The following NIPAL2 variants were observed in gnomAD, a reference collection of about 807,000 sequenced individuals.
The protein encoded by NIPAL2 is NIPA-like protein 2.
Under a neutral mutation model 48.9 loss-of-function variants are expected in NIPAL2, and 43 were observed. That is an observed-to-expected ratio of 0.88 (90% CI 0.69 to 1.13). NIPAL2 has a LOEUF of 1.13. Among genes scored for constraint, NIPAL2 ranks in the 50% most tolerant of loss-of-function variants. The probability of loss-of-function intolerance (pLI) is 0.00; values close to 1 mark genes in which losing one functional copy is unlikely to be tolerated. For synonymous variants in NIPAL2, 167 were observed against 174.6 expected (o/e 0.96, Z 0.34); for missense variants, 446 against 461.4 (o/e 0.97, Z 0.31).
chr8:98,255,679 A>G (rs1052645195), intron 1 of NIPAL2, among the ~76,000 whole-genome samples: 1 of 152,216 alleles, frequency 6.6e-6, no homozygotes, highest in Admixed American at 6.5e-5. Context: ...TTTGATCACT[A>G]TCCCTCATGG....
intron 1 of NIPAL2, among the ~76,000 whole-genome samples, chr8:98,282,157 G>A (rs1017690034): frequency 2.0e-5 from 3 of 152,196 alleles, no homozygotes; most frequent in Non-Finnish European, 4.4e-5. Flanking sequence ...TCACCAGGGT[G>A]AGTGCATTCC....
chr8:98,192,918 T>C lies in NIPAL2; in HGVS notation c.*60A>G. ...AAGAGCTGCTGACACAAATTGAACATGTGCAATTTTTTAAAAAGGTGGTAT... is the reference window on the plus strand; with the variant it reads ...AAGAGCTGCTGACACAAATTGAACACGTGCAATTTTTTAAAAAGGTGGTAT... On this transcript the variant is annotated 3_prime_UTR_variant, in exon 11 of 11. Coordinates refer to ENST00000430223, the MANE Select transcript of NIPAL2 (RefSeq NM_001321635.2). 2 of 1,002,056 alleles carry C rather than the reference T, an allele frequency of 2.0e-6. No individual in the cohort carries two copies. Among genetic ancestry groups the C allele is most frequent in the Admixed American group, 1.7e-5 (1 of 57,858 alleles). The allele number at this position is 1,002,056 out of a possible 1,614,324, so 62.1% of individuals were successfully genotyped here. A position where few individuals can be genotyped will look rare whatever the true frequency, so the allele number is the denominator to read the frequency against.
At chr8:98,277,981 T>C (rs1280647837) in intron 1 of NIPAL2, among the ~76,000 whole-genome samples, 1 of 152,244 alleles carries the variant, frequency 6.6e-6, no homozygotes, top group African/African-American at 2.4e-5. Context: ...CTTTAGTAGC[T>C]CTTTCAATAA....
At chr8:98,285,035 G>A (rs947763116) in intron 1 of NIPAL2, among the ~76,000 whole-genome samples, 1 of 152,168 alleles carries the variant, frequency 6.6e-6, no homozygotes, top group Non-Finnish European at 1.5e-5. Flanking sequence ...TCACTGCTTA[G>A]GGATGATGCT....
In NIPAL2 at chr8:98,212,708, T is replaced by C. The variant is rs191353321; in HGVS notation, c.559-207A>G. Among the ~76,000 whole-genome samples the C allele has an allele frequency of 2.3e-3, 346 of 152,248 alleles. 3 individuals carry two copies. The highest frequency in any genetic ancestry group is 7.7e-3 in the African/African-American group (321 of 41,524). On this transcript the variant is annotated intron_variant, in intron 5 of 10. Coordinates refer to ENST00000430223, the MANE Select transcript of NIPAL2 (RefSeq NM_001321635.2). ...CCTCTCTGCCAGGGATGCCCAAATC[T>C]AGATCTCCAGTCCTAACCTCCCTGG...
At chr8:98,251,294 G>A (rs1813572153) in intron 3 of NIPAL2, among the ~76,000 whole-genome samples, 1 of 152,018 alleles carries the variant, frequency 6.6e-6, no homozygotes, top group Admixed American at 6.5e-5. Context: ...GGGATCCCAA[G>A]TTCATCATAT....
chr8:98,260,981 G>A (rs1377303131), intron 1 of NIPAL2, among the ~76,000 whole-genome samples: 44 of 152,274 alleles, frequency 2.9e-4, no homozygotes, highest in African/African-American at 1.1e-3. Flanking sequence ...CCTGACCCCT[G>A]AGCAGCCTAA....
intron 6 of NIPAL2, among the ~76,000 whole-genome samples, chr8:98,210,197 A>AT (rs1272472537): frequency 1.3e-5 from 2 of 151,654 alleles, no homozygotes; most frequent in Non-Finnish European, 2.9e-5. Flanking sequence ...TTATTTCAGT[A>AT]TTTTTTCTAA....
At chr8:98,280,441 G>A (rs1416035443) in intron 1 of NIPAL2, among the ~76,000 whole-genome samples, 2 of 152,058 alleles carry the variant, frequency 1.3e-5, no homozygotes, top group Middle Eastern at 3.2e-3. Context: ...ATCAGCAATA[G>A]TACAGATTGA....
At chr8:98,292,724 C>CT (rs1213076521) in intron 1 of NIPAL2, among the ~76,000 whole-genome samples, 1 of 132,638 alleles carries the variant, frequency 7.5e-6, no homozygotes, top group East Asian at 2.1e-4. Context: ...TGCTAACCCT[C>CT]TATTTTTTTT....
Position 98,190,928 on chromosome 8 carries a change from C to T in NIPAL2, c.*2050G>A, listed in dbSNP as rs1354501885. 1.3e-5 allele frequency: 2 copies of T among 152,196 alleles called. No homozygotes were observed. The highest frequency in any genetic ancestry group is 2.9e-5 in the Non-Finnish European group (2 of 68,028). The allele number at this position is 152,196 out of a possible 1,614,324, so 9.4% of individuals were successfully genotyped here. On this transcript the variant is annotated 3_prime_UTR_variant, in exon 11 of 11. Coordinates refer to ENST00000430223, the MANE Select transcript of NIPAL2 (RefSeq NM_001321635.2). Reference sequence around the variant, plus strand: ...GCACTGTGTAATTTAAAAAATCTTACAGGCCAGTACAACTAAAACTCCTAT... The same window carrying T: ...GCACTGTGTAATTTAAAAAATCTTATAGGCCAGTACAACTAAAACTCCTAT...
chr8:98,227,937 G>C (rs2130770789), intron 4 of NIPAL2, among the ~76,000 whole-genome samples: 1 of 152,318 alleles, frequency 6.6e-6, no homozygotes, highest in African/African-American at 2.4e-5. Flanking sequence ...CACACCTCTG[G>C]GGTGGTTGAT....
intron 1 of NIPAL2, among the ~76,000 whole-genome samples, chr8:98,269,041 T>C (rs1814965399): frequency 6.6e-6 from 1 of 152,214 alleles, no homozygotes; most frequent in African/African-American, 2.4e-5. Context: ...CCATTCAAGT[T>C]TGATCATGAG....
intron 1 of NIPAL2, among the ~76,000 whole-genome samples, chr8:98,273,953 C>CA (rs1477664131): frequency 6.6e-6 from 1 of 151,942 alleles, no homozygotes; most frequent in Admixed American, 6.6e-5. Context: ...CCATATTATT[C>CA]AAAAGTATGT....
rs185642172 is a variant in NIPAL2, at chr8:98,270,283, C to A, written c.136-16196G>T. Among the ~76,000 whole-genome samples, 199 of 152,246 alleles carry A rather than the reference C, an allele frequency of 1.3e-3. 3 individuals are homozygous for A. Among genetic ancestry groups the A allele is most frequent in the Admixed American group, 1.9e-3 (29 of 15,308 alleles). On this transcript the variant is annotated intron_variant, in intron 1 of 10. Coordinates refer to ENST00000430223, the MANE Select transcript of NIPAL2 (RefSeq NM_001321635.2). ...CAAACTGCTTTCCACAGGGGCTGAA[C>A]AATTTACATCCCCACTAACCATACA...
At chr8:98,273,179 C>T (rs1357948568) in intron 1 of NIPAL2, among the ~76,000 whole-genome samples, 1 of 152,034 alleles carries the variant, frequency 6.6e-6, no homozygotes, top group East Asian at 1.9e-4. Flanking sequence ...GATTATTCAG[C>T]CATAAAAGGG....
chr8:98,206,720 G>A (rs1477454045), intron 6 of NIPAL2, among the ~76,000 whole-genome samples: 40 of 150,542 alleles, frequency 2.7e-4, no homozygotes, highest in African/African-American at 9.3e-4. Context: ...CCCAGGAGGC[G>A]GAGTTCGCAG....
chr8:98,190,191 A>C lies in NIPAL2; in HGVS notation c.*2787T>G, dbSNP rs1022751051. 1 of 152,286 alleles carries C rather than the reference A, an allele frequency of 6.6e-6. No homozygotes were observed. Among genetic ancestry groups the C allele is most frequent in the Non-Finnish European group, 1.5e-5 (1 of 68,098 alleles). The allele number at this position is 152,286 out of a possible 1,614,324, so 9.4% of individuals were successfully genotyped here. ...CAAAGTATCTCATTTGTCATGAGCCATGAGTGTCACTTTTTAAACTCCTTC... is the reference window on the plus strand; with the variant it reads ...CAAAGTATCTCATTTGTCATGAGCCCTGAGTGTCACTTTTTAAACTCCTTC... On this transcript the variant is annotated 3_prime_UTR_variant, in exon 11 of 11. Transcript: ENST00000430223.
chr8:98,287,954 A>T (rs1426342209), intron 1 of NIPAL2, among the ~76,000 whole-genome samples: 2 of 152,258 alleles, frequency 1.3e-5, no homozygotes, highest in Non-Finnish European at 2.9e-5. Context: ...AATGAATATG[A>T]CATACCATTT....
Sources: gnomAD v4.1 joint callset for allele counts (sites outside exome capture counted in the v4.1 genomes callset) on GRCh38, gnomAD v4.1.1 for gene constraint, MANE v1.5 for transcripts, NCBI Gene and HGNC (gene_info 2026-07-23, HGNC 2026-07-21) for gene names.